Variants in RGS7BP observed in about 807,000 individuals in gnomAD.
RGS7BP encodes the protein regulator of G protein signaling 7 binding protein.
In RGS7BP, 9 loss-of-function variants were observed where a neutral mutation model predicts 31.3. That is an observed-to-expected ratio of 0.29 (90% confidence interval 0.17 to 0.50). The LOEUF is 0.50. Ranked by LOEUF, RGS7BP falls within the 20% of genes least tolerant of loss-of-function variation. The pLI is 0.98. For synonymous variants in RGS7BP, 115 were observed against 120.1 expected (o/e 0.96, Z 0.28); for missense variants, 274 against 322.0 (o/e 0.85, Z 1.14).
At chr5:64,539,513 A>C (rs1166088055) in intron 2 of RGS7BP, 1 of 152,184 alleles carries the variant, frequency 6.6e-6, no homozygotes, top group Non-Finnish European at 1.5e-5. Flanking sequence ...TTCCAGGTGC[A>C]GTGGTGCTGG....
intron 2 of RGS7BP, among the ~76,000 whole-genome samples, chr5:64,519,234 C>T (rs1226652114): frequency 1.3e-5 from 2 of 152,144 alleles, no homozygotes; most frequent in African/African-American, 4.8e-5. Flanking sequence ...CAGCATCAAC[C>T]TCTCCTTCCT....
chr5:64,527,982 T>C (rs77019562), intron 2 of RGS7BP, among the ~76,000 whole-genome samples: 68 of 152,318 alleles, frequency 4.5e-4, no homozygotes, highest in African/African-American at 1.5e-3. Context: ...GTCTGAAATA[T>C]AGTTGTAGAA....
At chr5:64,554,015 A>G (rs1248809212) in intron 2 of RGS7BP, among the ~76,000 whole-genome samples, 1 of 152,060 alleles carries the variant, frequency 6.6e-6, no homozygotes, top group African/African-American at 2.4e-5. Flanking sequence ...TAGAACTGAG[A>G]TATACACATA....
intron 3 of RGS7BP, among the ~76,000 whole-genome samples, chr5:64,584,017 C>A (rs565046956): frequency 1.3e-5 from 2 of 152,330 alleles, no homozygotes; most frequent in Admixed American, 6.5e-5. Flanking sequence ...GAACTCAAAG[C>A]TCAATGAGGT....
intron 4 of RGS7BP, among the ~76,000 whole-genome samples, chr5:64,597,499 C>T (rs1000713603): frequency 1.3e-5 from 2 of 151,932 alleles, no homozygotes; most frequent in African/African-American, 4.8e-5. Context: ...GAATTTGTTA[C>T]TCTTTCATTA....
chr5:64,555,867 A>ATAAT lies in RGS7BP; in HGVS notation c.333-19905_333-19902dup, dbSNP rs770871314. 2.0e-5 allele frequency among the ~76,000 whole-genome samples: 3 copies of ATAAT among 152,176 alleles called. No homozygotes were observed. The East Asian group carries it at 5.8e-4, about 29-fold the overall frequency. On this transcript the variant is annotated intron_variant, in intron 2 of 5. Coordinates refer to ENST00000334025, the MANE Select transcript of RGS7BP (RefSeq NM_001029875.3). The stretch of plus-strand genomic sequence containing the variant: ...TAGAAACATTGAAGTTTAAATTTAC[A>ATAAT]TAATTTAAATTTGAAATTCAGTTTC...
At chr5:64,568,779 ATTG>A (rs929406293) in intron 2 of RGS7BP, among the ~76,000 whole-genome samples, 35 of 104,756 alleles carry the variant, frequency 3.3e-4, no homozygotes, top group African/African-American at 1.2e-3. Flanking sequence ...ACTGATGGTT[ATTG>A]TTTTTTTTTT....
intron 2 of RGS7BP, among the ~76,000 whole-genome samples, chr5:64,565,529 G>A (rs765873839): frequency 4.6e-5 from 7 of 151,842 alleles, no homozygotes; most frequent in Non-Finnish European, 1.0e-4. Context: ...AAAAAAGAAG[G>A]CTTCAGGAAA....
chr5:64,513,384 G>A (rs1416360523), intron 2 of RGS7BP, among the ~76,000 whole-genome samples: 1 of 151,956 alleles, frequency 6.6e-6, no homozygotes, highest in Non-Finnish European at 1.5e-5. Flanking sequence ...GGGGGTTGGG[G>A]TGGAGTCTGT....
At chr5:64,596,721 T>C (rs528386182) in intron 4 of RGS7BP, among the ~76,000 whole-genome samples, 22 of 152,198 alleles carry the variant, frequency 1.4e-4, no homozygotes, top group Non-Finnish European at 2.9e-4. Flanking sequence ...TTTTTACAGG[T>C]ATATTTCCGC....
intron 3 of RGS7BP, among the ~76,000 whole-genome samples, chr5:64,587,959 A>C (rs1471743822): frequency 1.3e-5 from 2 of 152,214 alleles, no homozygotes; most frequent in Admixed American, 6.5e-5. Flanking sequence ...ACAAATTTGA[A>C]CAGACATCCA....
At chr5:64,560,944 T>A (rs1445666941) in intron 2 of RGS7BP, among the ~76,000 whole-genome samples, 1 of 152,150 alleles carries the variant, frequency 6.6e-6, no homozygotes, top group South Asian at 2.1e-4. Flanking sequence ...CTTAATGCAT[T>A]CATTTTTGTG....
intron 2 of RGS7BP, among the ~76,000 whole-genome samples, chr5:64,538,518 C>CTTTTTTTTTTTTTTTTTT (rs1741435781): frequency 9.9e-5 from 6 of 60,560 alleles, no homozygotes; most frequent in African/African-American, 2.2e-4. Flanking sequence ...TTTTTTTTTC[C>CTTTTTTTTTTTTTTTTTT]TTTTCTTTTC....
chr5:64,604,119 A>T (rs1743293320), intron 5 of RGS7BP, among the ~76,000 whole-genome samples: 1 of 152,134 alleles, frequency 6.6e-6, no homozygotes, highest in Non-Finnish European at 1.5e-5. Flanking sequence ...CCTTCATTCC[A>T]GCCAGACTGG....
intron 2 of RGS7BP, among the ~76,000 whole-genome samples, chr5:64,570,781 A>T (rs1332114477): frequency 6.6e-6 from 1 of 152,140 alleles, no homozygotes; most frequent in East Asian, 1.9e-4. Flanking sequence ...TAGATTCTAC[A>T]ATTAACATTT....
At chr5:64,558,527 T>C (rs1182103113) in intron 2 of RGS7BP, among the ~76,000 whole-genome samples, 1 of 152,126 alleles carries the variant, frequency 6.6e-6, no homozygotes, top group Non-Finnish European at 1.5e-5. Context: ...GTATGTCACC[T>C]CAAAACCCTG....
rs1409939864 is a variant in RGS7BP, at chr5:64,550,624, C to T, written c.333-25150C>T. Among the ~76,000 whole-genome samples the T allele has an allele frequency of 3.3e-5, 5 of 151,772 alleles. 1 individual carries two copies. Among genetic ancestry groups the T allele is most frequent in the African/African-American group, 7.3e-5 (3 of 41,148 alleles). On this transcript the variant is annotated intron_variant, in intron 2 of 5. Coordinates refer to ENST00000334025, the MANE Select transcript of RGS7BP (RefSeq NM_001029875.3). Reference sequence around the variant, plus strand: ...CTTTAAGTTTTAGGGTACATGTGCACAATGTGCAGGTTTGTTACATATGTA... The same window carrying T: ...CTTTAAGTTTTAGGGTACATGTGCATAATGTGCAGGTTTGTTACATATGTA...
chr5:64,591,223 A>C (rs912985133), intron 3 of RGS7BP, among the ~76,000 whole-genome samples: 8 of 152,142 alleles, frequency 5.3e-5, no homozygotes, highest in African/African-American at 1.9e-4. Flanking sequence ...TAAATGGGCA[A>C]ATTACACAAA....
At chr5:64,593,478 C>T (rs996087465) in intron 3 of RGS7BP, among the ~76,000 whole-genome samples, 2 of 152,138 alleles carry the variant, frequency 1.3e-5, no homozygotes, top group African/African-American at 2.4e-5. Context: ...ATAGCCACTA[C>T]CTCATGAATA....
Sources: gnomAD v4.1 joint callset for allele counts (sites outside exome capture counted in the v4.1 genomes callset) on GRCh38, gnomAD v4.1.1 for gene constraint, MANE v1.5 for transcripts, NCBI Gene and HGNC (gene_info 2026-07-23, HGNC 2026-07-21) for gene names.